The following CCDC138 variants were observed in gnomAD, a reference collection of about 807,000 sequenced individuals.
CCDC138 encodes the protein coiled-coil domain-containing protein 138.
Under a neutral mutation model 82.3 loss-of-function variants are expected in CCDC138, and 66 were observed. That is an observed-to-expected ratio of 0.80 (90% CI 0.66 to 0.98). CCDC138 has a LOEUF of 0.98. Ranked by LOEUF, CCDC138 falls within the 50% of genes least tolerant of loss-of-function variation. The pLI is 0.00. For synonymous variants in CCDC138, 297 were observed against 265.4 expected (o/e 1.12, Z -1.16); for missense variants, 816 against 758.9 (o/e 1.08, Z -0.88).
chr2:108,819,423 A>G (rs1171952597), intron 10 of CCDC138, among the ~76,000 whole-genome samples: 3 of 152,114 alleles, frequency 2.0e-5, no homozygotes, highest in Non-Finnish European at 4.4e-5. Context: ...ATCTCACCTC[A>G]CTCAGAGTGC....
At position 108,800,657 on chromosome 2, in the gene CCDC138, A is replaced by G. The variant is rs1303565239; in HGVS notation, c.735+2071A>G. Among the ~76,000 whole-genome samples the G allele has an allele frequency of 4.4e-5, 3 of 68,766 alleles. No individual in the cohort carries two copies. The East Asian group carries it at 1.5e-3, about 35-fold the overall frequency. 45.1% of individuals were successfully genotyped at this position (68,766 alleles called of 152,430 possible). On this transcript the variant is annotated intron_variant, in intron 6 of 14. Transcript: ENST00000295124. ...TTTTTTTAATTATACTTTAAGTTTT[A>G]GGGTACATGTGCACATTGTGCAGGT...
chr2:108,801,002 C>T (rs1202143271), intron 6 of CCDC138, among the ~76,000 whole-genome samples: 3 of 55,460 alleles, frequency 5.4e-5, no homozygotes, highest in Non-Finnish European at 8.2e-5. Flanking sequence ...ATATATGTGC[C>T]ACATTTTCTT....
At chr2:108,882,448 T>A (rs948908230) in intron 1 of CCDC138, 1 of 152,190 alleles carries the variant, frequency 6.6e-6, no homozygotes, top group African/African-American at 2.4e-5. Context: ...TGTCAGATCC[T>A]TTTCTATGCT....
intron 5 of CCDC138, among the ~76,000 whole-genome samples, chr2:108,795,196 C>G (rs915889970): frequency 4.8e-5 from 6 of 125,600 alleles, no homozygotes; most frequent in African/African-American, 1.7e-4. Flanking sequence ...GCTGTATCAC[C>G]CAGGCTGGAG....
intron 10 of CCDC138, among the ~76,000 whole-genome samples, chr2:108,825,252 G>C (rs185863679): frequency 7.0e-6 from 1 of 143,180 alleles, no homozygotes; most frequent in Admixed American, 7.5e-5. Flanking sequence ...ATTATATCTT[G>C]TTTTTGTTCT....
intron 12 of CCDC138, among the ~76,000 whole-genome samples, chr2:108,852,018 A>T (rs1269807807): frequency 6.6e-6 from 1 of 152,166 alleles, no homozygotes; most frequent in East Asian, 1.9e-4. Flanking sequence ...CTATTTTATG[A>T]CTACCTAAGA....
chr2:108,791,854 A>G (rs777111650), intron 4 of CCDC138, 52 bp downstream of exon 4: 34 of 1,500,070 alleles, frequency 2.3e-5, no homozygotes, highest in South Asian at 1.3e-5. Context: ...TGTCAAGTAG[A>G]GTAAATGAAG....
chr2:108,833,551 T>C (rs1406928342), intron 10 of CCDC138, among the ~76,000 whole-genome samples: 1 of 152,224 alleles, frequency 6.6e-6, no homozygotes, highest in African/African-American at 2.4e-5. Flanking sequence ...TGGGAATGTT[T>C]ATAGTCCATG....
At chr2:108,831,340 A>G (rs1574116857) in intron 10 of CCDC138, among the ~76,000 whole-genome samples, 1 of 152,232 alleles carries the variant, frequency 6.6e-6, no homozygotes, top group East Asian at 1.9e-4. Flanking sequence ...CTGCCACCCT[A>G]TGAATGAGGA....
chr2:108,823,125 A>G (rs1250763268), intron 10 of CCDC138, among the ~76,000 whole-genome samples: 6 of 152,212 alleles, frequency 3.9e-5, no homozygotes, highest in African/African-American at 1.2e-4. Context: ...GAAAAGTCCA[A>G]TGATTAGTAT....
At chr2:108,816,630 C>G (rs912388266) in intron 10 of CCDC138, among the ~76,000 whole-genome samples, 1 of 152,122 alleles carries the variant, frequency 6.6e-6, no homozygotes, top group Non-Finnish European at 1.5e-5. Context: ...ATCCATTAAT[C>G]CATGAACCCT....
At chr2:108,829,440 C>T (rs1687170351) in intron 10 of CCDC138, among the ~76,000 whole-genome samples, 1 of 152,224 alleles carries the variant, frequency 6.6e-6, no homozygotes, top group Non-Finnish European at 1.5e-5. Flanking sequence ...TACCACTTAA[C>T]ACCTATTAGA....
intron 10 of CCDC138, among the ~76,000 whole-genome samples, chr2:108,822,339 A>G (rs944286145): frequency 6.6e-5 from 10 of 152,232 alleles, no homozygotes; most frequent in Admixed American, 5.2e-4. Context: ...AAGAAATAGT[A>G]ACATAATACT....
chr2:108,790,240 G>A (rs943886201), intron 3 of CCDC138, among the ~76,000 whole-genome samples: 1 of 152,106 alleles, frequency 6.6e-6, no homozygotes, highest in Non-Finnish European at 1.5e-5. Flanking sequence ...TGTAGGGTAA[G>A]GAAAGTGAAA....
chr2:108,839,259 A>G lies in CCDC138; in HGVS notation c.1281A>G (p.Lys427=), dbSNP rs1172548787. The G allele has an allele frequency of 1.9e-6, 3 of 1,612,776 alleles. No individual in the cohort carries two copies. The highest frequency in any genetic ancestry group is 2.2e-5 in the South Asian group (2 of 91,006). Residue 427 remains lysine (K), a synonymous_variant, in exon 11 of 15, where the codon AAA becomes AAG. Coordinates refer to ENST00000295124, the MANE Select transcript of CCDC138 (RefSeq NM_144978.3). ...VNIKLHEPFV[K]FIYWSLRQLD... ...TCAAACTTCACGAGCCTTTTGTAAA[A>G]TTTATATATTGGTCCCTAAGGCAGC...
intron 10 of CCDC138, among the ~76,000 whole-genome samples, chr2:108,826,844 T>A (rs1686692894): frequency 6.6e-6 from 1 of 152,248 alleles, no homozygotes; most frequent in Non-Finnish European, 1.5e-5. Context: ...AGTCTTGGCA[T>A]CTTAACAACA....
At chr2:108,857,065 GCTT>G (rs1692722630) in intron 13 of CCDC138, 95 bp downstream of exon 13, 20 of 55,342 alleles carry the variant, frequency 3.6e-4, no homozygotes, top group Middle Eastern at 0.016. Context: ...AGATACTATT[GCTT>G]TTTTTTTTTT....
intron 11 of CCDC138, among the ~76,000 whole-genome samples, chr2:108,845,385 G>T (rs1012386147): frequency 2.5e-4 from 38 of 152,104 alleles, no homozygotes; most frequent in Middle Eastern, 3.4e-3. Flanking sequence ...TATCCACATT[G>T]CAGGATCAAT....
intron 11 of CCDC138, among the ~76,000 whole-genome samples, chr2:108,842,437 G>A (rs1341489699): frequency 2.6e-5 from 4 of 151,918 alleles, no homozygotes; most frequent in Admixed American, 6.6e-5. Context: ...GAGAGAGAGC[G>A]AGAGAGAGAG....
Sources: gnomAD v4.1 joint callset for allele counts (sites outside exome capture counted in the v4.1 genomes callset) on GRCh38, gnomAD v4.1.1 for gene constraint, MANE v1.5 for transcripts, NCBI Gene and HGNC (gene_info 2026-07-23, HGNC 2026-07-21) for gene names.